ENDOD1: variants seen among roughly 807,000 people sequenced by gnomAD.
ENDOD1 encodes the protein endonuclease domain containing 1, also known as endonuclease domain-containing 1 protein.
ENDOD1 carries 9 observed loss-of-function variants against 6.5 expected under a neutral mutation model. The observed-to-expected ratio is 1.39, with a 90% CI of 0.84 to 2.43. The LOEUF (loss-of-function observed/expected upper bound fraction) is 2.43, where lower values mean the gene tolerates loss of function less well. Ranked by LOEUF, ENDOD1 falls within the 30% of genes most tolerant of loss-of-function variation. The probability of loss-of-function intolerance (pLI) is 0.00; values close to 1 mark genes in which losing one functional copy is unlikely to be tolerated. For synonymous variants in ENDOD1, 255 were observed against 255.2 expected (o/e 1.00, Z 0.01); for missense variants, 648 against 635.5 (o/e 1.02, Z -0.21).
At chr11:95,099,263 T>C (rs1591010127) in intron 1 of ENDOD1, among the ~76,000 whole-genome samples, 1 of 152,298 alleles carries the variant, frequency 6.6e-6, no homozygotes, top group East Asian at 1.9e-4. Context: ...GAGCAACAGA[T>C]TTTGTCCCCT....
At chr11:95,108,129 G>C (rs1291530360) in intron 1 of ENDOD1, among the ~76,000 whole-genome samples, 1 of 152,212 alleles carries the variant, frequency 6.6e-6, no homozygotes, top group Non-Finnish European at 1.5e-5. Flanking sequence ...TTTGGAGTTG[G>C]TGAATTTAAA....
chr11:95,120,255 A>T (rs560798347), intron 1 of ENDOD1, among the ~76,000 whole-genome samples: 1 of 152,198 alleles, frequency 6.6e-6, no homozygotes, highest in South Asian at 2.1e-4. Context: ...TAGCCACCAC[A>T]GCTGGTATTG....
chr11:95,128,920 A>G lies in ENDOD1; in HGVS notation c.844A>G (p.Ile282Val), dbSNP rs916294940. The change falls in exon 2 of 2, where the codon ATC becomes GTC. Residue 282 changes from isoleucine (I) to valine (V), a missense_variant. By Grantham distance (29) the Ile-to-Val change is conservative (BLOSUM62 3). Coordinates refer to ENST00000278505, the MANE Select transcript of ENDOD1 (RefSeq NM_015036.3). ...GCAAGACACAGAGAAAATGAAAAAA[A>G]TCCTGGAAGTGGTTAACCAAATCCA... The part of the protein sequence containing the change: ...TEQDTEKMKK[I>V]LEVVNQIQDE... The G allele has an allele frequency of 1.7e-5, 28 of 1,614,178 alleles. No individual in the cohort carries two copies. Among genetic ancestry groups the G allele is most frequent in the Non-Finnish European group, 2.4e-5 (28 of 1,180,026 alleles).
chr11:95,107,299 C>G (rs1440031599), intron 1 of ENDOD1, among the ~76,000 whole-genome samples: 1 of 150,706 alleles, frequency 6.6e-6, no homozygotes, highest in East Asian at 2.0e-4. Flanking sequence ...GGGACACTAC[C>G]CTCCAGCCTG....
chr11:95,097,559 A>G (rs1858998653), intron 1 of ENDOD1, among the ~76,000 whole-genome samples: 1 of 152,198 alleles, frequency 6.6e-6, no homozygotes, highest in Non-Finnish European at 1.5e-5. Flanking sequence ...GTGAAGTGGG[A>G]AGCAATTGTG....
chr11:95,106,689 C>G (rs983746826), intron 1 of ENDOD1, among the ~76,000 whole-genome samples: 1 of 152,252 alleles, frequency 6.6e-6, no homozygotes, highest in East Asian at 1.9e-4. Context: ...TTGTTCTCTA[C>G]CTTGGCATTA....
chr11:95,100,202 GA>G (rs1859024606), intron 1 of ENDOD1, among the ~76,000 whole-genome samples: 1 of 152,106 alleles, frequency 6.6e-6, no homozygotes, highest in African/African-American at 2.4e-5. Context: ...AGACTTATCT[GA>G]ACTCTAGGGC....
At chr11:95,112,980 G>A (rs1161536049) in intron 1 of ENDOD1, among the ~76,000 whole-genome samples, 7 of 151,608 alleles carry the variant, frequency 4.6e-5, no homozygotes, top group South Asian at 2.1e-4. Context: ...ACGTGGTCCC[G>A]TCACATACTA....
chr11:95,095,371 G>A (rs1858974127), intron 1 of ENDOD1, among the ~76,000 whole-genome samples: 1 of 3,176 alleles, frequency 3.1e-4, no homozygotes, highest in South Asian at 7.6e-3. Flanking sequence ...TGGCATTCCA[G>A]TCTATTGTGC....
rs1859339907 is a variant in ENDOD1 at position 95,128,877 on chromosome 11, CA to C, written c.803del (p.Asn268ThrfsTer12). The C allele has an allele frequency of 6.2e-7, 1 of 1,614,070 alleles. No individual in the cohort carries two copies. The highest frequency in any genetic ancestry group is 8.5e-7 in the Non-Finnish European group (1 of 1,180,006). ...LPFNPQLFQNNCGETEQDTEK... is the reference protein window; with the variant it reads ...LPFNPQLFQNXCGETEQDTEK... ...CATTTAACCCTCAGCTGTTTCAGAA[CA>C]ACTGTGGTGAAACTGAGCAAGACAC... On this transcript the variant is annotated frameshift_variant, in exon 2 of 2. Transcript: ENST00000278505. LOFTEE classifies it low-confidence loss of function (END_TRUNC).
intron 1 of ENDOD1, among the ~76,000 whole-genome samples, chr11:95,094,203 C>A (rs1555110110): frequency 6.7e-6 from 1 of 150,128 alleles, no homozygotes; most frequent in Non-Finnish European, 1.5e-5. Context: ...TATATTTGTT[C>A]AATCTTAAAA....
At chr11:95,108,535 A>ACACACACACACACACAC (rs1325896470) in intron 1 of ENDOD1, among the ~76,000 whole-genome samples, 30 of 148,232 alleles carry the variant, frequency 2.0e-4, no homozygotes, top group African/African-American at 6.7e-4. Context: ...ACAGACACCC[A>ACACACACACACACACAC]AAAAAAGAAA....
At chr11:95,099,758 C>T (rs1334335207) in intron 1 of ENDOD1, among the ~76,000 whole-genome samples, 1 of 152,096 alleles carries the variant, frequency 6.6e-6, no homozygotes, top group Non-Finnish European at 1.5e-5. Context: ...GTCCCTATAC[C>T]GACTTTATCA....
At chr11:95,091,844 T>G (rs1366219758) in intron 1 of ENDOD1, among the ~76,000 whole-genome samples, 1 of 152,148 alleles carries the variant, frequency 6.6e-6, no homozygotes, top group African/African-American at 2.4e-5. Flanking sequence ...CCATGCTATG[T>G]GGGTTCATAT....
In ENDOD1 at chr11:95,129,412, G is replaced by T; in HGVS notation, c.1336G>T (p.Gly446Cys). 1 of 1,614,182 alleles carries T rather than the reference G, an allele frequency of 6.2e-7. No individual in the cohort carries two copies. The highest frequency in any genetic ancestry group is 8.5e-7 in the Non-Finnish European group (1 of 1,180,038). ...GGCCACTTTCCCTGTGTACACCATG[G>T]GCGCTATTCCAATTGTTTGCAAGGA... Reference protein sequence around the residue: ...DVATFPVYTMGAIPIVCKDIA... With the variant: ...DVATFPVYTMCAIPIVCKDIA... Residue 446 changes from glycine to cysteine, a missense_variant, in exon 2 of 2, where the codon GGC becomes TGC. Physicochemically the swap from Gly to Cys is radical, Grantham distance 159 (BLOSUM62 -3). Coordinates refer to ENST00000278505, the MANE Select transcript of ENDOD1 (RefSeq NM_015036.3).
At chr11:95,093,777 A>G (rs1397420551) in intron 1 of ENDOD1, among the ~76,000 whole-genome samples, 1 of 152,212 alleles carries the variant, frequency 6.6e-6, no homozygotes, top group Non-Finnish European at 1.5e-5. Flanking sequence ...GCCAGCAGCA[A>G]CTGTTACAAA....
At chr11:95,123,059 C>T (rs201080060) in intron 1 of ENDOD1, among the ~76,000 whole-genome samples, 4 of 152,008 alleles carry the variant, frequency 2.6e-5, no homozygotes, top group Middle Eastern at 6.8e-3. Flanking sequence ...TGTGGTGGCA[C>T]GTGCCTGTAT....
rs10660230 is a variant in ENDOD1, at chr11:95,096,227, C to CTTTTTTT, written c.300+6019_300+6025dup. On this transcript the variant is annotated intron_variant, in intron 1 of 1. Coordinates refer to ENST00000278505, the MANE Select transcript of ENDOD1 (RefSeq NM_015036.3). ...CTAGAATTACTGTTAGTCAAGAAAG[C>CTTTTTTT]TTTTTTTTTTTTTTTTTTTTTTTTT... Among the ~76,000 whole-genome samples, 38 of 49,964 alleles carry CTTTTTTT rather than the reference C, an allele frequency of 7.6e-4. 11 individuals carry two copies. Among genetic ancestry groups the CTTTTTTT allele is most frequent in the South Asian group, 2.2e-3 (2 of 900 alleles). 32.8% of individuals were successfully genotyped at this position (49,964 alleles called of 152,430 possible).
chr11:95,126,307 C>G (rs1291327058), intron 1 of ENDOD1, among the ~76,000 whole-genome samples: 1 of 152,192 alleles, frequency 6.6e-6, no homozygotes, highest in African/African-American at 2.4e-5. Context: ...TTCCTATGGC[C>G]TTGACTCCCT....
Sources: allele counts gnomAD v4.1 joint callset (sites outside exome capture counted in the v4.1 genomes callset), GRCh38; gene constraint gnomAD v4.1.1; transcripts MANE v1.5; gene names NCBI Gene and HGNC (gene_info 2026-07-23, HGNC 2026-07-21).